Variants in COG5 observed in about 807,000 individuals in gnomAD.
The protein encoded by COG5 is component of oligomeric golgi complex 5, also known as conserved oligomeric Golgi complex subunit 5.
In COG5, 86 loss-of-function variants were observed where a neutral mutation model predicts 110.4. The ratio of observed to expected loss-of-function variants is 0.78; its 90% CI spans 0.65 to 0.93. The LOEUF is 0.93. Ranked by LOEUF, COG5 falls within the 40% of genes least tolerant of loss-of-function variation. The probability of loss-of-function intolerance (pLI) is 0.00; values close to 1 mark genes in which losing one functional copy is unlikely to be tolerated. For synonymous variants in COG5, 360 were observed against 334.6 expected (o/e 1.08, Z -0.83); for missense variants, 1,077 against 987.0 (o/e 1.09, Z -1.22).
Position 107,474,937 on chromosome 7 carries a change from G to T in COG5, c.538+52300C>A, listed in dbSNP as rs746674955. The T allele has an allele frequency of 6.2e-7, 1 of 1,612,754 alleles. No homozygotes were observed. Among genetic ancestry groups the T allele is most frequent in the Non-Finnish European group, 8.5e-7 (1 of 1,179,368 alleles). ...AAGAACTTCAGTTTCTGTAATAATT[G>T]CCCTCCGGCGAGCTGTGAAACGACA... On this transcript the variant is annotated intron_variant, in intron 6 of 21. Transcript: ENST00000297135. The surrounding 1 kb of genome is among the most constrained non-coding windows in gnomAD (Gnocchi z 5.7).
At chr7:107,260,075 G>GATATATATAT (rs143875588) in intron 14 of COG5, among the ~76,000 whole-genome samples, 36 of 131,564 alleles carry the variant, frequency 2.7e-4, no homozygotes, top group South Asian at 1.8e-3. Context: ...AACTCCTAGT[G>GATATATATAT]ATATATATAT....
rs1311057427 is a variant in COG5, at chr7:107,258,311, C to T, written c.1648G>A (p.Val550Met). 3 of 1,612,796 alleles carry T rather than the reference C, an allele frequency of 1.9e-6. No homozygotes were observed. In the East Asian group the frequency reaches 6.7e-5, roughly 36 times the overall value. ...TEGQRRNVAV[V>M]NSLYKLHQSV... is the part of the protein sequence containing the mutation. The stretch of plus-strand genomic sequence containing the variant: ...TGGTGCAACTTATACAATGAATTCA[C>T]TACTGCCACATTTCTTCTCTGTCCT... Residue 550 changes from valine (V) to methionine (M), a missense_variant, in exon 15 of 22, where the codon GTG becomes ATG. Val to Met is a conservative substitution (Grantham distance 21). Coordinates refer to ENST00000297135, the MANE Select transcript of COG5 (RefSeq NM_006348.5).
At chr7:107,287,115 G>C (rs1805707340) in intron 12 of COG5, among the ~76,000 whole-genome samples, 1 of 152,192 alleles carries the variant, frequency 6.6e-6, no homozygotes, top group African/African-American at 2.4e-5. Flanking sequence ...AGGAGGTTAT[G>C]CAAGTTGTTT....
At chr7:107,223,539 G>A (rs1209317989) in intron 19 of COG5, among the ~76,000 whole-genome samples, 1 of 152,200 alleles carries the variant, frequency 6.6e-6, no homozygotes, top group Non-Finnish European at 1.5e-5. Flanking sequence ...TGTTCCTTGT[G>A]TACTGTCTGG....
At chr7:107,275,701 T>TTA (rs1278396315) in intron 14 of COG5, among the ~76,000 whole-genome samples, 1 of 152,006 alleles carries the variant, frequency 6.6e-6, no homozygotes, top group Non-Finnish European at 1.5e-5. Flanking sequence ...TTTTTGTACT[T>TTA]TTAGTAGAGA....
intron 6 of COG5, among the ~76,000 whole-genome samples, chr7:107,442,565 T>A (rs892967101): frequency 1.3e-5 from 2 of 150,238 alleles, no homozygotes; most frequent in African/African-American, 4.9e-5. Flanking sequence ...GTTCCCTCCC[T>A]ACTTTCACAT....
chr7:107,247,097 C>A (rs1802113870), intron 17 of COG5, among the ~76,000 whole-genome samples: 1 of 152,112 alleles, frequency 6.6e-6, no homozygotes. Flanking sequence ...ATGCTATTAT[C>A]CTCAGCAACC....
chr7:107,367,560 G>GTA (rs897117077), intron 8 of COG5, among the ~76,000 whole-genome samples: 46 of 148,720 alleles, frequency 3.1e-4, no homozygotes, highest in Admixed American at 9.3e-4. Context: ...AAACTGTTGT[G>GTA]TATATATATA....
intron 7 of COG5, among the ~76,000 whole-genome samples, chr7:107,383,443 A>C (rs58020484): frequency 0.019 from 2,858 of 152,312 alleles, 87 homozygotes; most frequent in African/African-American, 0.064. Flanking sequence ...GGCCAGGTTA[A>C]TATCCATGGC....
intron 6 of COG5, among the ~76,000 whole-genome samples, chr7:107,506,822 C>A (rs1286648870): frequency 6.6e-6 from 1 of 152,236 alleles, no homozygotes; most frequent in Non-Finnish European, 1.5e-5. Context: ...TTGCCACTCA[C>A]CCTCTGGTTC....
chr7:107,388,662 T>C (rs561179965), intron 7 of COG5, among the ~76,000 whole-genome samples: 17 of 152,290 alleles, frequency 1.1e-4, no homozygotes, highest in Admixed American at 3.9e-4. Flanking sequence ...TTCTAAAACC[T>C]CTCAAGGTAT....
intron 14 of COG5, among the ~76,000 whole-genome samples, chr7:107,264,788 G>C (rs534856678): frequency 6.6e-6 from 1 of 152,184 alleles, no homozygotes; most frequent in Admixed American, 6.6e-5. Flanking sequence ...TTATAAAACT[G>C]AGAAATCATA....
intron 10 of COG5, among the ~76,000 whole-genome samples, chr7:107,342,510 T>C (rs1262115095): frequency 6.6e-6 from 1 of 152,000 alleles, no homozygotes. Flanking sequence ...AAACCCTGTC[T>C]CTACTAAAAG....
At chr7:107,286,485 T>C (rs1218472104) in intron 12 of COG5, among the ~76,000 whole-genome samples, 1 of 152,218 alleles carries the variant, frequency 6.6e-6, no homozygotes, top group Non-Finnish European at 1.5e-5. Context: ...GAAAATGTTA[T>C]TGAGATGTTC....
intron 6 of COG5, among the ~76,000 whole-genome samples, chr7:107,456,458 T>C (rs980847508): frequency 1.3e-5 from 2 of 152,202 alleles, no homozygotes; most frequent in Admixed American, 1.3e-4. Flanking sequence ...CCCTAAAATA[T>C]AGCTTTCAGC....
chr7:107,360,534 G>C (rs1813019539), intron 10 of COG5, among the ~76,000 whole-genome samples: 1 of 152,194 alleles, frequency 6.6e-6, no homozygotes, highest in Non-Finnish European at 1.5e-5. Context: ...CCAGGGTTGT[G>C]ACACCTTCTT....
intron 6 of COG5, among the ~76,000 whole-genome samples, chr7:107,485,879 G>A (rs1206459883): frequency 6.6e-6 from 1 of 152,118 alleles, no homozygotes; most frequent in African/African-American, 2.4e-5. Context: ...GGAGGCACAT[G>A]TACCTGGAAA....
chr7:107,220,697 G>A (rs1302402657), intron 19 of COG5, among the ~76,000 whole-genome samples: 2 of 152,138 alleles, frequency 1.3e-5, no homozygotes. Context: ...GCTATTGCAG[G>A]GAAAAAGTGT....
chr7:107,370,583 C>T (rs1814052257), intron 8 of COG5, among the ~76,000 whole-genome samples: 1 of 151,664 alleles, frequency 6.6e-6, no homozygotes, highest in Non-Finnish European at 1.5e-5. Flanking sequence ...GTCAGGAGTT[C>T]GAGACCAGCC....
Sources: gnomAD v4.1 joint callset for allele counts (sites outside exome capture counted in the v4.1 genomes callset) on GRCh38, gnomAD v4.1.1 for gene constraint, Gnocchi (gnomAD v3.1) non-coding constraint, MANE v1.5 for transcripts, NCBI Gene and HGNC (gene_info 2026-07-23, HGNC 2026-07-21) for gene names.